The following HERC2 variants were observed in gnomAD, a reference collection of about 807,000 sequenced individuals.
HERC2 encodes the protein HECT and RLD domain containing E3 ubiquitin protein ligase 2, also known as E3 ubiquitin-protein ligase HERC2.
In HERC2, 102 loss-of-function variants were observed where a neutral mutation model predicts 537.7. The observed-to-expected ratio is 0.19, with a 90% CI of 0.16 to 0.22. The LOEUF (loss-of-function observed/expected upper bound fraction) is 0.22. Ranked by LOEUF, HERC2 falls within the 10% of genes least tolerant of loss-of-function variation. HERC2 has a pLI of 1.00. For synonymous variants in HERC2, 2,224 were observed against 2,466.2 expected (o/e 0.90, Z 2.91); for missense variants, 4,236 against 6,198.2 (o/e 0.68, Z 10.63).
rs374189356 is a variant in HERC2, at chr15:28,292,947, G to A, written c.263C>T (p.Pro88Leu). Residue 88 changes from proline to leucine, a missense_variant, in exon 4 of 93, where the codon CCT becomes CTT. By Grantham distance (98) the Pro-to-Leu change is moderately conservative. Coordinates refer to ENST00000261609, the MANE Select transcript of HERC2 (RefSeq NM_004667.6). ...DKEKKDEEET[P>L]APIYRAKSIL... ...TGACTTGGCCCTATATATAGGTGCA[G>A]GAGTTTCTTCTTCATCTTTTTTCTC... The A allele has an allele frequency of 1.7e-5, 27 of 1,611,098 alleles. No homozygotes were observed. Among genetic ancestry groups the A allele is most frequent in the Admixed American group, 3.3e-5 (2 of 59,918 alleles).
In HERC2 at chr15:28,269,281, G is replaced by A. The variant is rs149969678; in HGVS notation, c.1413C>T (p.Arg471=). Reference sequence around the variant, plus strand: ...CACTATTATAGGCCTGTGTGTACACGCGGCCATTGCGTGACAGAATCAGGA... The same window carrying A: ...CACTATTATAGGCCTGTGTGTACACACGGCCATTGCGTGACAGAATCAGGA... The part of the protein sequence containing the change: ...KRFLILSRNG[R]VYTQAYNSDT... The change falls in exon 11 of 93, where the codon CGC becomes CGT. Residue 471 remains arginine, a synonymous_variant. Transcript: ENST00000261609. 239 of 1,614,002 alleles carry A rather than the reference G, an allele frequency of 1.5e-4. No individual in the cohort carries two copies. Among genetic ancestry groups the A allele is most frequent in the Non-Finnish European group, 2.0e-4 (231 of 1,179,932 alleles).
At chr15:28,219,944 C>T (rs1163391311) in intron 37 of HERC2, among the ~76,000 whole-genome samples, 1 of 152,236 alleles carries the variant, frequency 6.6e-6, no homozygotes, top group African/African-American at 2.4e-5. Flanking sequence ...CTCTGCTTCC[C>T]TAGAAGCGAT....
intron 15 of HERC2, among the ~76,000 whole-genome samples, chr15:28,261,753 CAGA>C (rs1370201841): frequency 6.6e-6 from 1 of 152,178 alleles, no homozygotes; most frequent in Non-Finnish European, 1.5e-5. Flanking sequence ...CAACTTATCT[CAGA>C]AGCTTAGAAA....
In HERC2 at chr15:28,259,843, CTA is replaced by C. The variant is rs1363650627; in HGVS notation, c.2316+932_2316+933del. 5.3e-5 allele frequency among the ~76,000 whole-genome samples: 8 copies of C among 151,300 alleles called. No individual in the cohort carries two copies. In the East Asian group the frequency reaches 1.6e-3, roughly 30 times the overall value. On this transcript the variant is annotated intron_variant, in intron 16 of 92. Transcript: ENST00000261609. The stretch of plus-strand genomic sequence containing the variant: ...ATTAGCCAGGCATGGTAGTGCACAC[CTA>C]TAATCCCAGCTACTCAGGAGGCTGA...
At chr15:28,206,705 C>T (rs568081801) in intron 44 of HERC2, among the ~76,000 whole-genome samples, 65 of 151,362 alleles carry the variant, frequency 4.3e-4, no homozygotes, top group Non-Finnish European at 7.8e-4. Flanking sequence ...TGGTGGCGGG[C>T]GCCTGTAGTC....
At chr15:28,317,737 C>A (rs2077127396) in intron 2 of HERC2, among the ~76,000 whole-genome samples, 1 of 152,052 alleles carries the variant, frequency 6.6e-6, no homozygotes, top group Non-Finnish European at 1.5e-5. Context: ...ATTTACAGAC[C>A]CTTGATAGAA....
At chr15:28,147,307 A>G (rs1470078936) in intron 70 of HERC2, among the ~76,000 whole-genome samples, 1 of 152,262 alleles carries the variant, frequency 6.6e-6, no homozygotes, top group African/African-American at 2.4e-5. Context: ...TTAAATTTCT[A>G]TCATGAAGTA....
chr15:28,205,317 T>A (rs1194330562), intron 45 of HERC2, among the ~76,000 whole-genome samples: 1 of 60,802 alleles, frequency 1.6e-5, no homozygotes, highest in African/African-American at 7.3e-5. Context: ...CTTCTTTTGA[T>A]CTCTGCCAGG....
intron 3 of HERC2, among the ~76,000 whole-genome samples, chr15:28,294,731 G>A (rs569726339): frequency 2.2e-4 from 33 of 151,982 alleles, no homozygotes; most frequent in Admixed American, 4.6e-4. Flanking sequence ...ACAGCCCCTC[G>A]TGGTTCACTC....
chr15:28,147,010 T>A (rs568198643), intron 70 of HERC2, among the ~76,000 whole-genome samples: 4 of 136,684 alleles, frequency 2.9e-5, no homozygotes, highest in Non-Finnish European at 6.2e-5. Flanking sequence ...GCATGCTCTG[T>A]TGGGAGCTGA....
chr15:28,258,770 A>G (rs576475701), intron 16 of HERC2, among the ~76,000 whole-genome samples: 5 of 152,332 alleles, frequency 3.3e-5, no homozygotes, highest in African/African-American at 1.2e-4. Flanking sequence ...AGCAAAACAA[A>G]AGGGAAAAAT....
chr15:28,201,442 A>G lies in HERC2; in HGVS notation c.7716+14T>C, dbSNP rs781189247. The stretch of plus-strand genomic sequence containing the variant: ...AAAAACGGATCGAGGCTCCAGCTTA[A>G]GACAATTACTCACCTGAATATTCTC... On this transcript the variant is annotated intron_variant, in intron 48 of 92. Transcript: ENST00000261609. 6.7e-7 allele frequency: 1 copy of G among 1,490,180 alleles called. No homozygotes were observed. The highest frequency in any genetic ancestry group is 2.3e-5 in the East Asian group (1 of 44,292). The allele number at this position is 1,490,180 out of a possible 1,614,324, so 92.3% of individuals were successfully genotyped here.
In HERC2 at chr15:28,218,495, T is replaced by C. The variant is rs767280003; in HGVS notation, c.6022A>G (p.Lys2008Glu). ...TCGATCTCTCATTCCATACATGTCTTGTCCGTCGTTCCGCTTTCCACTAAC... is the reference window on the plus strand; with the variant it reads ...TCGATCTCTCATTCCATACATGTCTCGTCCGTCGTTCCGCTTTCCACTAAC... ...RMLVESGTTDKTSSPNRLVYR... is the reference protein window; with the variant it reads ...RMLVESGTTDETSSPNRLVYR... Residue 2008 changes from lysine (K) to glutamate (E), a missense_variant, in exon 38 of 93, where the codon AAG (lysine) becomes GAG (glutamate). By Grantham distance (56) the Lys-to-Glu change is moderately conservative (BLOSUM62 1). This residue lies in a region of HERC2 where 365 missense variants were observed against 468.8 expected (regional missense o/e 0.78). Transcript: ENST00000261609. The C allele has an allele frequency of 3.1e-6, 5 of 1,594,658 alleles. No homozygotes were observed. The highest frequency in any genetic ancestry group is 4.2e-6 in the Non-Finnish European group (5 of 1,179,210).
chr15:28,223,239 G>T (rs1288742288), intron 35 of HERC2, among the ~76,000 whole-genome samples: 1 of 152,086 alleles, frequency 6.6e-6, no homozygotes, highest in Non-Finnish European at 1.5e-5. Context: ...GAGTAGGCTA[G>T]ATTTTTAACC....
intron 70 of HERC2, among the ~76,000 whole-genome samples, chr15:28,150,750 C>T: frequency 6.6e-6 from 1 of 151,656 alleles, no homozygotes; most frequent in East Asian, 1.9e-4. Context: ...CCGAGAATGG[C>T]CACACGAACG....
At position 28,218,496 on chromosome 15, in the gene HERC2, G is replaced by T. The variant is rs752531490; in HGVS notation, c.6021C>A (p.Asp2007Glu). ...LRMLVESGTT[D>E]KTSSPNRLVY... ...CGATCTCTCATTCCATACATGTCTT[G>T]TCCGTCGTTCCGCTTTCCACTAACA... The change falls in exon 38 of 93, where the codon GAC becomes GAA. Residue 2007 changes from aspartate to glutamate, a missense_variant. Around this residue, in one of 27 missense-constraint regions of HERC2, gnomAD observed 365 missense variants for 468.8 expected, o/e 0.78. Transcript: ENST00000261609. 31 of 1,594,378 alleles carry T rather than the reference G, an allele frequency of 1.9e-5. No homozygotes were observed. Among genetic ancestry groups the T allele is most frequent in the Non-Finnish European group, 2.5e-5 (30 of 1,179,038 alleles).
Position 28,262,901 on chromosome 15 carries a change from T to G in HERC2, c.2122+17A>C, listed in dbSNP as rs1299063331. The stretch of plus-strand genomic sequence containing the variant: ...AAACTGTCCTGAAGGGTTTTAAAAG[T>G]TTACATTTGCACTCACCTTGCAAGC... On this transcript the variant is annotated intron_variant, in intron 15 of 92. Transcript: ENST00000261609. 2.1e-5 allele frequency: 33 copies of G among 1,607,982 alleles called. No homozygotes were observed. Among genetic ancestry groups the G allele is most frequent in the Non-Finnish European group, 2.6e-5 (31 of 1,176,340 alleles).
intron 20 of HERC2, among the ~76,000 whole-genome samples, chr15:28,253,153 T>A (rs1215542675): frequency 6.7e-6 from 1 of 149,858 alleles, no homozygotes; most frequent in Non-Finnish European, 1.5e-5. Context: ...TTTTTCGCTC[T>A]TCTTGGGTGA....
chr15:28,263,389 T>C (rs181712725), intron 14 of HERC2, among the ~76,000 whole-genome samples: 43 of 152,334 alleles, frequency 2.8e-4, no homozygotes, highest in Middle Eastern at 6.8e-3. Flanking sequence ...CTTTTTGTTT[T>C]CATTCCATGA....
Sources: allele counts gnomAD v4.1 joint callset (sites outside exome capture counted in the v4.1 genomes callset), GRCh38; gene constraint gnomAD v4.1.1; regional missense constraint gnomAD v4.1.1; transcripts MANE v1.5; gene names NCBI Gene and HGNC (gene_info 2026-07-23, HGNC 2026-07-21).